GRIK2: variants seen among roughly 807,000 people sequenced by gnomAD.
GRIK2 encodes the protein glutamate ionotropic receptor kainate type subunit 2.
In GRIK2, 32 loss-of-function variants were observed where a neutral mutation model predicts 100.3. The ratio of observed to expected loss-of-function variants is 0.32; its 90% CI spans 0.24 to 0.43. The LOEUF (loss-of-function observed/expected upper bound fraction) is 0.43, where lower values mean the gene tolerates loss of function less well. GRIK2 is among the 20% of genes least tolerant of loss of function. The pLI, the probability that GRIK2 is intolerant of heterozygous loss-of-function variation, is 1.00. For synonymous variants in GRIK2, 417 were observed against 389.4 expected, an observed-to-expected ratio of 1.07 and a Z score of -0.83; for missense variants, 843 against 1,114.9, an observed-to-expected ratio of 0.76 and a Z score of 3.47.
intron 10 of GRIK2, among the ~76,000 whole-genome samples, chr6:101,828,579 A>G (rs1029632977): frequency 6.6e-6 from 1 of 151,908 alleles, no homozygotes; most frequent in African/African-American, 2.4e-5. Context: ...ACTGAACACA[A>G]CATATGTGAT....
intron 2 of GRIK2, among the ~76,000 whole-genome samples, chr6:101,558,643 A>G (rs1486837134): frequency 1.4e-5 from 2 of 145,768 alleles, no homozygotes; most frequent in Non-Finnish European, 3.0e-5. Context: ...ACTTCTTTCC[A>G]TTGGCTTTGT....
intron 2 of GRIK2, among the ~76,000 whole-genome samples, chr6:101,453,053 T>A (rs1291074566): frequency 6.6e-6 from 1 of 151,928 alleles, no homozygotes; most frequent in Middle Eastern, 3.4e-3. Flanking sequence ...CTTGTGAAAA[T>A]GATGTATTGA....
At position 101,928,632 on chromosome 6, in the gene GRIK2, G is replaced by A; in HGVS notation, c.2085G>A (p.Lys695=). The A allele has an allele frequency of 6.7e-7, 1 of 1,495,438 alleles. No individual in the cohort carries two copies. The highest frequency in any genetic ancestry group is 9.3e-7 in the Non-Finnish European group (1 of 1,072,530). The allele number at this position is 1,495,438 out of a possible 1,614,324, so 92.6% of individuals were successfully genotyped here. A position where few individuals can be genotyped will look rare whatever the true frequency, so the allele number is the denominator to read the frequency against. Residue 695 remains lysine (K), a splice_region_variant and synonymous_variant, in exon 14 of 17, where the codon AAG becomes AAA. Coordinates refer to ENST00000369134, the MANE Select transcript of GRIK2 (RefSeq NM_021956.5). ...VEDGATMTFF[K]KSKISTYDKM... ...ATGGTGCAACCATGACTTTTTTCAA[G>A]GTAAGTTCTGCTGGTTACCTAAAAT...
At chr6:101,704,540 TTA>T (rs1490566330) in intron 7 of GRIK2, among the ~76,000 whole-genome samples, 1 of 151,860 alleles carries the variant, frequency 6.6e-6, no homozygotes. Flanking sequence ...CTATTATTCA[TTA>T]TGTTTTTAAA....
At chr6:101,817,028 C>A (rs770945370) in intron 9 of GRIK2, among the ~76,000 whole-genome samples, 16 of 152,140 alleles carry the variant, frequency 1.1e-4, no homozygotes, top group Admixed American at 3.3e-4. Context: ...ATTGATATGA[C>A]CGGCTTGGCT....
chr6:101,587,035 T>C (rs1778407878), intron 2 of GRIK2, among the ~76,000 whole-genome samples: 1 of 152,014 alleles, frequency 6.6e-6, no homozygotes, highest in Admixed American at 6.6e-5. Context: ...TTTTTGTCCA[T>C]TTTATTCACA....
rs1312494525 is a variant in GRIK2 at position 101,393,717 on chromosome 6, C to T, written c.-414C>T. ...CTTCGCCGCTGCCGTCACTCGCGCT[C>T]GGCGCCGGCGGCTGCGCTGGTCGGT... On this transcript the variant is annotated 5_prime_UTR_variant, in exon 1 of 17. Transcript: ENST00000369134. 6.6e-6 allele frequency among the ~76,000 whole-genome samples: 1 copy of T among 152,132 alleles called. No homozygotes were observed. The highest frequency in any genetic ancestry group is 2.4e-5 in the African/African-American group (1 of 41,460).
chr6:101,905,435 T>C (rs1015933456), intron 12 of GRIK2, among the ~76,000 whole-genome samples: 1 of 151,638 alleles, frequency 6.6e-6, no homozygotes, highest in African/African-American at 2.4e-5. Flanking sequence ...AAAAGCTTCA[T>C]AAATAGCAGT....
chr6:101,764,128 T>C (rs772781659), intron 7 of GRIK2, among the ~76,000 whole-genome samples: 4 of 152,196 alleles, frequency 2.6e-5, no homozygotes, highest in African/African-American at 9.7e-5. Flanking sequence ...TCATCACTTA[T>C]ATGTCAGAGA....
chr6:101,760,059 C>T (rs1201166349), intron 7 of GRIK2, among the ~76,000 whole-genome samples: 6 of 140,274 alleles, frequency 4.3e-5, no homozygotes, highest in Non-Finnish European at 9.1e-5. Context: ...TTAGTAGAGA[C>T]GGGGTTTCAC....
At chr6:101,437,615 C>A (rs764830411) in intron 2 of GRIK2, among the ~76,000 whole-genome samples, 5 of 152,006 alleles carry the variant, frequency 3.3e-5, no homozygotes, top group Non-Finnish European at 7.4e-5. Flanking sequence ...ATTCTTAATA[C>A]CTTAGGGAGT....
intron 9 of GRIK2, among the ~76,000 whole-genome samples, chr6:101,807,051 T>G (rs190044870): frequency 6.6e-6 from 1 of 152,086 alleles, no homozygotes; most frequent in Non-Finnish European, 1.5e-5. Flanking sequence ...GTTGAATGAA[T>G]AAAGAATCTT....
intron 3 of GRIK2, among the ~76,000 whole-genome samples, chr6:101,622,758 T>C (rs1780225649): frequency 1.3e-5 from 2 of 151,792 alleles, no homozygotes; most frequent in South Asian, 4.1e-4. Context: ...ATGTCAAAAA[T>C]ATAGAAAAAG....
At chr6:101,418,178 C>T (rs1776239660) in intron 2 of GRIK2, among the ~76,000 whole-genome samples, 1 of 152,190 alleles carries the variant, frequency 6.6e-6, no homozygotes, top group East Asian at 1.9e-4. Context: ...TAAGGCTTTT[C>T]TGTGCTGGTT....
chr6:101,673,470 T>C (rs1403907441), intron 4 of GRIK2, among the ~76,000 whole-genome samples: 12 of 152,304 alleles, frequency 7.9e-5, no homozygotes, highest in Admixed American at 3.3e-4. Flanking sequence ...TTCTTTCAAG[T>C]ATTTTACAAA....
At chr6:101,490,069 AAAG>A (rs1371753960) in intron 2 of GRIK2, among the ~76,000 whole-genome samples, 1 of 146,560 alleles carries the variant, frequency 6.8e-6, no homozygotes, top group African/African-American at 2.6e-5. Context: ...AGTCTCATAA[AAAG>A]ACACAGAGGA....
At chr6:101,803,762 C>G (rs995466287) in intron 9 of GRIK2, among the ~76,000 whole-genome samples, 1 of 151,842 alleles carries the variant, frequency 6.6e-6, no homozygotes, top group Non-Finnish European at 1.5e-5. Context: ...TTCATATTAC[C>G]ATAGATCCAT....
intron 10 of GRIK2, among the ~76,000 whole-genome samples, chr6:101,844,993 C>G (rs1783723218): frequency 6.7e-6 from 1 of 149,620 alleles, no homozygotes; most frequent in African/African-American, 2.5e-5. Flanking sequence ...ATTCTGCGTT[C>G]ATTGTTTGTT....
intron 7 of GRIK2, among the ~76,000 whole-genome samples, chr6:101,758,677 T>A (rs530885453): frequency 1.3e-5 from 2 of 152,304 alleles, no homozygotes; most frequent in African/African-American, 4.8e-5. Flanking sequence ...TTTATTAAAT[T>A]TCACTCAGCA....
Sources: gnomAD v4.1 joint callset for allele counts (sites outside exome capture counted in the v4.1 genomes callset) on GRCh38, gnomAD v4.1.1 for gene constraint, MANE v1.5 for transcripts, NCBI Gene and HGNC (gene_info 2026-07-23, HGNC 2026-07-21) for gene names.